DEGS1: variants seen among roughly 807,000 people sequenced by gnomAD.
The protein encoded by DEGS1 is sphingolipid delta(4)-desaturase DES1.
DEGS1 carries 17 observed loss-of-function variants against 24.1 expected under a neutral mutation model. That is an observed-to-expected ratio of 0.70 (90% CI 0.48 to 1.06). The LOEUF is 1.06. Ranked by LOEUF, DEGS1 falls within the 50% of genes least tolerant of loss-of-function variation. The pLI, the probability that DEGS1 is intolerant of heterozygous loss-of-function variation, is 0.00. For synonymous variants in DEGS1, 134 were observed against 140.0 expected (o/e 0.96, Z 0.30); for missense variants, 366 against 408.9 (o/e 0.90, Z 0.91).
At chr1:224,192,218 G>A (rs1572045045) in intron 2 of DEGS1, 114 bp from the exon 3 acceptor site, 2 of 810,764 alleles carry the variant, frequency 2.5e-6, no homozygotes, top group East Asian at 3.0e-5. Context: ...GAGAGAGGAG[G>A]GAGGCAGGTC....
rs1220411436 is a variant in DEGS1, at chr1:224,192,578, CT to C, written c.*101del. On this transcript the variant is annotated 3_prime_UTR_variant, in exon 3 of 3. Transcript: ENST00000323699. ...AGACCAGTGATGCTCAGAAGCTCCC[CT>C]GGCACAATTTCAGAGTAAGAGCTCG... The C allele has an allele frequency of 1.5e-5, 18 of 1,180,866 alleles. No individual in the cohort carries two copies. The highest frequency in any genetic ancestry group is 2.6e-5 in the East Asian group (1 of 38,744). The allele number at this position is 1,180,866 out of a possible 1,614,324, so 73.1% of individuals were successfully genotyped here.
chr1:224,185,193 G>T (rs1352570419), intron 1 of DEGS1, among the ~76,000 whole-genome samples: 1 of 152,080 alleles, frequency 6.6e-6, no homozygotes, highest in Non-Finnish European at 1.5e-5. Context: ...GTTTCTCCGT[G>T]TTGCCCAGGC....
intron 1 of DEGS1, among the ~76,000 whole-genome samples, chr1:224,188,836 TTC>T (rs1370448019): frequency 3.3e-5 from 5 of 152,210 alleles, no homozygotes; most frequent in African/African-American, 9.6e-5. Flanking sequence ...GCTGTCCGAT[TTC>T]TCTGTTTTCT....
rs774221718 is a variant in DEGS1 at position 224,190,049 on chromosome 1, G to A, written c.555G>A (p.Leu185=). ...TCAACCCCAAACCAATTACGTATCT[G>A]GAAGTTATCAATACCGTGGCACAGG... ...LFINPKPITY[L]EVINTVAQVT... is the part of the protein sequence containing the mutation. Residue 185 remains leucine (L), a synonymous_variant, in exon 2 of 3, where the codon CTG becomes CTA. Transcript: ENST00000323699. The A allele has an allele frequency of 7.4e-5, 119 of 1,614,022 alleles. 2 individuals are homozygous for A. In the South Asian group the frequency reaches 1.3e-3, roughly 17 times the overall value.
At chr1:224,184,500 GTTT>G (rs59105269) in intron 1 of DEGS1, among the ~76,000 whole-genome samples, 2 of 147,092 alleles carry the variant, frequency 1.4e-5, no homozygotes, top group African/African-American at 2.5e-5. Context: ...GCACGTGTTT[GTTT>G]TTTGTTTGTT....
At chr1:224,191,219 C>G (rs1658527239) in intron 2 of DEGS1, 1 of 151,880 alleles carries the variant, frequency 6.6e-6, no homozygotes, top group Admixed American at 6.6e-5. Flanking sequence ...GAAAGCCTGT[C>G]TCTACTAAAA....
In DEGS1 at chr1:224,190,128, A is replaced by G. The variant is rs549896177; in HGVS notation, c.634A>G (p.Met212Val). Residue 212 changes from methionine to valine, a missense_variant, in exon 2 of 3, where the codon ATG becomes GTG. Met to Val is a conservative substitution (Grantham distance 21, BLOSUM62 1). Transcript: ENST00000323699. ...YFLGIKSLVY[M>V]LAASLLGLGL... Reference sequence around the variant, plus strand: ...TTTGGGAATTAAATCCTTAGTCTACATGTTGGCAGCATCTTTACTTGGCCT... The same window carrying G: ...TTTGGGAATTAAATCCTTAGTCTACGTGTTGGCAGCATCTTTACTTGGCCT... 3.7e-6 allele frequency: 6 copies of G among 1,610,608 alleles called. No homozygotes were observed. The highest frequency in any genetic ancestry group is 1.7e-5 in the Admixed American group (1 of 59,422).
At position 224,190,599 on chromosome 1, in the gene DEGS1, T is replaced by TA. The variant is rs1303943898; in HGVS notation, c.825+294dup. On this transcript the variant is annotated intron_variant, in intron 2 of 2. Transcript: ENST00000323699. ...TATTTTGTCAGTCCAAGCAGTTCAT[T>TA]AAAAAAAAAAAAAACAAAAAGAGCA... Among the ~76,000 whole-genome samples the TA allele has an allele frequency of 9.8e-3, 1,301 of 133,134 alleles. 9 individuals are homozygous for TA. Among genetic ancestry groups the TA allele is most frequent in the African/African-American group, 0.023 (825 of 36,408 alleles). The allele number at this position is 133,134 out of a possible 152,430, so 87.3% of individuals were successfully genotyped here.
At chr1:224,189,051 G>A (rs1168606068) in intron 1 of DEGS1, among the ~76,000 whole-genome samples, 1 of 152,136 alleles carries the variant, frequency 6.6e-6, no homozygotes, top group African/African-American at 2.4e-5. Flanking sequence ...AGCACCATTT[G>A]TTGAAAGGAC....
chr1:224,189,391 A>G (rs1020735726), intron 1 of DEGS1, among the ~76,000 whole-genome samples, 186 bp from the exon 2 acceptor site: 2 of 152,210 alleles, frequency 1.3e-5, no homozygotes, highest in Non-Finnish European at 2.9e-5. Context: ...TTGTGACATG[A>G]TATTTCATAA....
intron 1 of DEGS1, among the ~76,000 whole-genome samples, chr1:224,186,922 G>T (rs1435233528): frequency 6.6e-6 from 1 of 152,054 alleles, no homozygotes; most frequent in African/African-American, 2.4e-5. Context: ...GCGGGGGAGG[G>T]AAGGGGCCTG....
chr1:224,192,217 G>T, intron 2 of DEGS1, 115 bp from the exon 3 acceptor site: 1 of 799,346 alleles, frequency 1.3e-6, no homozygotes, highest in Non-Finnish European at 1.9e-6. Context: ...AGAGAGAGGA[G>T]GGAGGCAGGT....
At chr1:224,191,356 C>T (rs1285456710) in intron 2 of DEGS1, among the ~76,000 whole-genome samples, 2 of 149,712 alleles carry the variant, frequency 1.3e-5, no homozygotes, top group Non-Finnish European at 3.0e-5. Context: ...TGCCACTGCA[C>T]TCCAGCCTGG....
intron 1 of DEGS1, among the ~76,000 whole-genome samples, chr1:224,184,012 CG>C: frequency 6.6e-6 from 1 of 152,360 alleles, no homozygotes; most frequent in East Asian, 1.9e-4. Context: ...ATATGCCCCC[CG>C]GGGCTTCTCG....
chr1:224,184,108 G>C (rs1401900159), intron 1 of DEGS1, among the ~76,000 whole-genome samples: 1 of 152,236 alleles, frequency 6.6e-6, no homozygotes, highest in Non-Finnish European at 1.5e-5. Context: ...CGGATTCGTA[G>C]GCATTTTTCA....
At chr1:224,183,920 G>A (rs1295724238) in intron 1 of DEGS1, 1 of 152,710 alleles carries the variant, frequency 6.5e-6, no homozygotes, top group Non-Finnish European at 1.5e-5. Flanking sequence ...CCCTGCTCAG[G>A]GTGTCGGGCG....
intron 1 of DEGS1, among the ~76,000 whole-genome samples, chr1:224,186,543 C>G (rs764174102): frequency 3.3e-5 from 5 of 152,006 alleles, no homozygotes; most frequent in Non-Finnish European, 5.9e-5. Context: ...GAAACCCCAT[C>G]TCTACTAAAA....
chr1:224,186,074 G>A (rs922746990), intron 1 of DEGS1, among the ~76,000 whole-genome samples: 1 of 151,980 alleles, frequency 6.6e-6, no homozygotes, highest in Non-Finnish European at 1.5e-5. Context: ...AGGCTGAGGC[G>A]AGAGGAACAC....
chr1:224,187,324 A>T (rs11588981), intron 1 of DEGS1, among the ~76,000 whole-genome samples: 1 of 151,942 alleles, frequency 6.6e-6, no homozygotes, highest in African/African-American at 2.4e-5. Flanking sequence ...AAAAAAGAAT[A>T]AATCACAAGA....
Sources: allele counts gnomAD v4.1 joint callset (sites outside exome capture counted in the v4.1 genomes callset), GRCh38; gene constraint gnomAD v4.1.1; transcripts MANE v1.5; gene names NCBI Gene and HGNC (gene_info 2026-07-23, HGNC 2026-07-21).